The following ACACA variants were observed in gnomAD, a reference collection of about 807,000 sequenced individuals.
The protein encoded by ACACA is acetyl-CoA carboxylase alpha.
A neutral mutation model predicts 296.1 loss-of-function variants in ACACA; 103 were observed. The ratio of observed to expected loss-of-function variants is 0.35; its 90% confidence interval spans 0.30 to 0.41. The LOEUF (loss-of-function observed/expected upper bound fraction) is 0.41, where lower values mean the gene tolerates loss of function less well. ACACA is among the 10% of genes least tolerant of loss of function. The pLI, the probability that ACACA is intolerant of heterozygous loss-of-function variation, is 1.00. For missense variants in ACACA, 1,554 were observed against 2,989.7 expected (o/e 0.52, Z 11.20); for synonymous variants, 953 against 1,038.6 (o/e 0.92, Z 1.58).
intron 1 of ACACA, among the ~76,000 whole-genome samples, chr17:37,370,010 CTTT>C (rs374109607): frequency 1.4e-4 from 18 of 128,790 alleles, no homozygotes; most frequent in Admixed American, 1.6e-4. Flanking sequence ...CTGGCCCCTC[CTTT>C]TTTTTTTTTT....
Position 37,299,628 on chromosome 17 carries a change from G to A in ACACA, c.339-14658C>T, listed in dbSNP as rs1014289517. The A allele has an allele frequency of 6.0e-6, 7 of 1,174,190 alleles. No individual in the cohort carries two copies. In the South Asian group the frequency reaches 9.0e-5, roughly 15 times the overall value. The allele number at this position is 1,174,190 out of a possible 1,614,324, so 72.7% of individuals were successfully genotyped here. A position where few individuals can be genotyped will look rare whatever the true frequency, so the allele number is the denominator to read the frequency against. ...TGATTTCCCAAGGGAACTGAGAGGAGCCGGGGAGAAATATAAAAGCTTGTT... is the reference window on the plus strand; with the variant it reads ...TGATTTCCCAAGGGAACTGAGAGGAACCGGGGAGAAATATAAAAGCTTGTT... On this transcript the variant is annotated intron_variant, in intron 3 of 55. Coordinates refer to ENST00000616317, the MANE Select transcript of ACACA (RefSeq NM_198834.3).
chr17:37,379,988 C>A (rs751186614), intron 1 of ACACA, among the ~76,000 whole-genome samples: 2 of 150,206 alleles, frequency 1.3e-5, no homozygotes, highest in African/African-American at 4.9e-5. Flanking sequence ...ATGTTTACTG[C>A]GGCACTATTC....
At chr17:37,167,040 G>T (rs1281485403) in intron 41 of ACACA, among the ~76,000 whole-genome samples, 2 of 150,866 alleles carry the variant, frequency 1.3e-5, no homozygotes, top group Non-Finnish European at 2.9e-5. Flanking sequence ...CACCTCCCGA[G>T]TTCAAGCAAT....
At chr17:37,258,996 T>A (rs1382864732) in intron 12 of ACACA, among the ~76,000 whole-genome samples, 2 of 152,196 alleles carry the variant, frequency 1.3e-5, no homozygotes, top group African/African-American at 2.4e-5. Context: ...TAATCTCTGA[T>A]GCAGAATTAT....
intron 52 of ACACA, among the ~76,000 whole-genome samples, chr17:37,109,760 C>T (rs544587206): frequency 1.1e-4 from 16 of 152,308 alleles, no homozygotes; most frequent in African/African-American, 3.8e-4. Flanking sequence ...GAAGCTTTAT[C>T]TCCACACCCC....
chr17:37,336,813 G>T (rs959510698), intron 2 of ACACA, among the ~76,000 whole-genome samples: 2 of 152,198 alleles, frequency 1.3e-5, no homozygotes, highest in Non-Finnish European at 2.9e-5. Flanking sequence ...ATGAAAGTAA[G>T]TGGACAACAG....
intron 54 of ACACA, among the ~76,000 whole-genome samples, chr17:37,091,104 T>G (rs2072599472): frequency 6.6e-6 from 1 of 152,188 alleles, no homozygotes; most frequent in Admixed American, 6.5e-5. Flanking sequence ...AAGATAACTC[T>G]CCTTGATTGG....
intron 1 of ACACA, among the ~76,000 whole-genome samples, chr17:37,351,156 A>G (rs780709925): frequency 1.3e-4 from 19 of 151,660 alleles, no homozygotes; most frequent in Admixed American, 6.6e-4. Flanking sequence ...AATAAAATAA[A>G]ATATAAAATA....
chr17:37,088,917 A>G, intron 55 of ACACA, 21 bp downstream of exon 55: 1 of 1,613,988 alleles, frequency 6.2e-7, no homozygotes, highest in Non-Finnish European at 8.5e-7. Context: ...TCTCTAGTGG[A>G]GTTCCCCACG....
chr17:37,185,402 CTT>C (rs67821579), intron 39 of ACACA, among the ~76,000 whole-genome samples: 2 of 48,436 alleles, frequency 4.1e-5, no homozygotes, highest in South Asian at 8.1e-4. Context: ...CTGGCTATTT[CTT>C]TTTTTTTTTT....
rs902746004 is a variant in ACACA, at chr17:37,363,179, C to CTTTTTTTTTTTT, written c.39-23341_39-23330dup. ...CTTTTTCTTTTCTCTTTCTCTTTTT[C>CTTTTTTTTTTTT]TTTTTTTTTTTTTTTTTTTTTTTGA... On this transcript the variant is annotated intron_variant, in intron 1 of 55. Coordinates refer to ENST00000616317, the MANE Select transcript of ACACA (RefSeq NM_198834.3). Among the ~76,000 whole-genome samples, 55 of 72,848 alleles carry CTTTTTTTTTTTT rather than the reference C, an allele frequency of 7.5e-4. 3 individuals are homozygous for CTTTTTTTTTTTT. Among genetic ancestry groups the CTTTTTTTTTTTT allele is most frequent in the African/African-American group, 1.8e-3 (27 of 14,948 alleles). The allele number at this position is 72,848 out of a possible 152,430, so 47.8% of individuals were successfully genotyped here.
chr17:37,098,080 GC>G, intron 52 of ACACA, 96 bp from the exon 53 acceptor site: 1 of 1,481,184 alleles, frequency 6.8e-7, no homozygotes, highest in Non-Finnish European at 9.4e-7. Flanking sequence ...ACATCAGCCT[GC>G]CCCCTCTTCC....
intron 45 of ACACA, among the ~76,000 whole-genome samples, chr17:37,139,382 T>C (rs558071607): frequency 3.3e-5 from 5 of 152,062 alleles, no homozygotes; most frequent in Non-Finnish European, 5.9e-5. Flanking sequence ...GAGGTGGAAA[T>C]GGACAATGGA....
intron 25 of ACACA, among the ~76,000 whole-genome samples, chr17:37,230,917 G>A (rs897637960): frequency 1.3e-5 from 2 of 152,156 alleles, no homozygotes; most frequent in African/African-American, 4.8e-5. Context: ...CCAACCAAAG[G>A]TCTGTTCCAA....
chr17:37,375,796 G>A (rs539859530), intron 1 of ACACA, among the ~76,000 whole-genome samples: 19 of 152,324 alleles, frequency 1.2e-4, no homozygotes, highest in East Asian at 3.9e-4. Flanking sequence ...ATCAATGGGC[G>A]TTTATGGCCT....
chr17:37,161,229 G>A (rs562937485), intron 42 of ACACA, among the ~76,000 whole-genome samples: 1 of 152,294 alleles, frequency 6.6e-6, no homozygotes, highest in African/African-American at 2.4e-5. Flanking sequence ...TCAAAGATGG[G>A]ATTTTTTCAG....
chr17:37,295,936 A>C (rs2083306737), intron 3 of ACACA, among the ~76,000 whole-genome samples: 1 of 152,082 alleles, frequency 6.6e-6, no homozygotes, highest in African/African-American at 2.4e-5. Context: ...AAAAATCAAA[A>C]AATTAAAATA....
intron 33 of ACACA, among the ~76,000 whole-genome samples, chr17:37,200,879 G>A (rs990250221): frequency 6.6e-6 from 1 of 152,104 alleles, no homozygotes; most frequent in Admixed American, 6.5e-5. Flanking sequence ...TAGGTAGAGA[G>A]AAAAGAAGGA....
In ACACA at chr17:37,269,763, G is replaced by A. The variant is rs1486674955; in HGVS notation, c.1119+988C>T. ...GAGTTTGCTGCTAAGTGTTTTAAGG[G>A]AAAAAAAAAAAAAAGCGAAATAAAA... is the stretch of plus-strand genomic sequence containing the variant. On this transcript the variant is annotated intron_variant, in intron 10 of 55. Transcript: ENST00000616317. Among the ~76,000 whole-genome samples the A allele has an allele frequency of 1.9e-3, 243 of 129,282 alleles. 2 individuals carry two copies. Among genetic ancestry groups the A allele is most frequent in the African/African-American group, 5.8e-3 (200 of 34,256 alleles). The allele number at this position is 129,282 out of a possible 152,430, so 84.8% of individuals were successfully genotyped here.
Sources: allele counts gnomAD v4.1 joint callset (sites outside exome capture counted in the v4.1 genomes callset), GRCh38; gene constraint gnomAD v4.1.1; transcripts MANE v1.5; gene names NCBI Gene and HGNC (gene_info 2026-07-23, HGNC 2026-07-21).